The following USH2A variants were observed in gnomAD, a reference collection of about 807,000 sequenced individuals.
USH2A encodes usherin, also known as Usher syndrome 2A (autosomal recessive, mild).
A neutral mutation model predicts 538.9 loss-of-function variants in USH2A; 443 were observed. That is an observed-to-expected ratio of 0.82 (90% CI 0.76 to 0.89). USH2A has a LOEUF of 0.89. USH2A is among the 40% of genes least tolerant of loss of function. USH2A has a pLI of 0.00. For synonymous variants in USH2A, 2,413 were observed against 2,273.5 expected, an observed-to-expected ratio of 1.06 and a Z score of -1.75; for missense variants, 6,633 against 6,324.8, an observed-to-expected ratio of 1.05 and a Z score of -1.65.
In USH2A at chr1:216,422,277, C is replaced by G. The variant is rs767611127; in HGVS notation, c.60G>C (p.Leu20Phe). 1 of 1,613,708 alleles carries G rather than the reference C, an allele frequency of 6.2e-7. No homozygotes were observed. The highest frequency in any genetic ancestry group is 8.5e-7 in the Non-Finnish European group (1 of 1,179,822). Residue 20 changes from leucine (L) to phenylalanine (F), a missense_variant, in exon 2 of 72, where the codon TTG (leucine) becomes TTC (phenylalanine). Leu to Phe is a conservative substitution (Grantham distance 22). Coordinates refer to ENST00000307340, the MANE Select transcript of USH2A (RefSeq NM_206933.4). ...ATATTGAAGCAAAATAGGCAAAGATCAACATTTCAATGACCTGAAACAAGA... is the reference window on the plus strand; with the variant it reads ...ATATTGAAGCAAAATAGGCAAAGATGAACATTTCAATGACCTGAAACAAGA... ...SGFLFQVIEM[L>F]IFAYFASISL...
intron 32 of USH2A, among the ~76,000 whole-genome samples, chr1:216,007,810 G>A (rs1205184498): frequency 6.6e-6 from 1 of 152,244 alleles, no homozygotes; most frequent in African/African-American, 2.4e-5. Flanking sequence ...TACATAATTA[G>A]TAGAGGTGGG....
At chr1:215,799,691 G>C (rs1475723175) in intron 49 of USH2A, among the ~76,000 whole-genome samples, 1 of 152,086 alleles carries the variant, frequency 6.6e-6, no homozygotes, top group Non-Finnish European at 1.5e-5. Context: ...TTTGGGATAA[G>C]AATAAGATAA....
intron 21 of USH2A, among the ~76,000 whole-genome samples, chr1:216,109,925 C>A (rs1159270135): frequency 6.6e-6 from 1 of 152,006 alleles, no homozygotes; most frequent in Admixed American, 6.6e-5. Context: ...GTCTAATCAT[C>A]TTCATATTCA....
chr1:216,181,667 T>G lies in USH2A; in HGVS notation c.4397-6185A>C. Among the ~76,000 whole-genome samples the G allele has an allele frequency of 1.3e-5, 2 of 152,048 alleles. 1 individual carries two copies. Among genetic ancestry groups the G allele is most frequent in the South Asian group, 4.1e-4 (2 of 4,826 alleles). The stretch of plus-strand genomic sequence containing the variant: ...CAGCAATGATGACAGCAACCACCAT[T>G]CCCTAAAGTCCACCACTAATAAAAG... On this transcript the variant is annotated intron_variant, in intron 20 of 71. Coordinates refer to ENST00000307340, the MANE Select transcript of USH2A (RefSeq NM_206933.4).
intron 9 of USH2A, among the ~76,000 whole-genome samples, chr1:216,304,705 GT>G (rs1294327040): frequency 6.6e-6 from 1 of 151,906 alleles, no homozygotes; most frequent in Non-Finnish European, 1.5e-5. Context: ...GTTTTGATAG[GT>G]TGTGTCACTA....
chr1:216,269,897 C>A (rs2036543230), intron 11 of USH2A, among the ~76,000 whole-genome samples: 1 of 152,026 alleles, frequency 6.6e-6, no homozygotes, highest in Non-Finnish European at 1.5e-5. Context: ...TAAGATCCTG[C>A]AATAATTACC....
At chr1:215,964,079 A>T (rs578108644) in intron 37 of USH2A, among the ~76,000 whole-genome samples, 7 of 152,178 alleles carry the variant, frequency 4.6e-5, no homozygotes, top group Non-Finnish European at 8.8e-5. Flanking sequence ...ACAACTGAAG[A>T]TGACATGACT....
intron 44 of USH2A, among the ~76,000 whole-genome samples, chr1:215,862,848 CAT>C (rs1217951436): frequency 6.6e-6 from 1 of 152,168 alleles, no homozygotes; most frequent in Non-Finnish European, 1.5e-5. Flanking sequence ...AGTGCCAAAA[CAT>C]ATTGGAACTG....
intron 38 of USH2A, among the ~76,000 whole-genome samples, chr1:215,925,852 T>C (rs942837): frequency 0.84 from 127,782 of 152,136 alleles, 53,843 homozygotes; most frequent in African/African-American, 0.89. Flanking sequence ...TTGAGGAGCT[T>C]TATATCTGTA....
intron 4 of USH2A, among the ~76,000 whole-genome samples, chr1:216,347,753 C>T (rs187889081): frequency 6.6e-6 from 1 of 152,064 alleles, no homozygotes; most frequent in Non-Finnish European, 1.5e-5. Flanking sequence ...ATATGTCGTT[C>T]TAAAACTTTT....
intron 16 of USH2A, 149 bp from the exon 17 acceptor site, chr1:216,200,270 T>A (rs988503321): frequency 6.9e-6 from 6 of 864,604 alleles, no homozygotes; most frequent in African/African-American, 5.1e-5. Flanking sequence ...TTTTTAAAAT[T>A]GAAATAATGT....
At chr1:216,322,924 A>G (rs1361081983) in intron 8 of USH2A, among the ~76,000 whole-genome samples, 1 of 151,992 alleles carries the variant, frequency 6.6e-6, no homozygotes, top group African/African-American at 2.4e-5. Flanking sequence ...CTTTTTAAAT[A>G]TTGTGAGTCA....
intron 10 of USH2A, 25 bp downstream of exon 10, chr1:216,292,150 A>C (rs2037012699): frequency 6.2e-7 from 1 of 1,613,292 alleles, no homozygotes; most frequent in South Asian, 1.1e-5. Context: ...CTCCAAACCA[A>C]CTCAGGAATT....
chr1:215,810,372 G>A (rs943588639), intron 49 of USH2A, among the ~76,000 whole-genome samples: 6 of 152,080 alleles, frequency 3.9e-5, no homozygotes, highest in East Asian at 3.9e-4. Context: ...TTGTGCTGTC[G>A]GTTCAAAATC....
At chr1:215,989,935 A>C (rs2102473872) in intron 35 of USH2A, among the ~76,000 whole-genome samples, 1 of 152,302 alleles carries the variant, frequency 6.6e-6, no homozygotes, top group East Asian at 1.9e-4. Context: ...CTGATTATTT[A>C]GGAGGTCTGT....
intron 37 of USH2A, among the ~76,000 whole-genome samples, chr1:215,960,068 T>A (rs1667161282): frequency 6.6e-6 from 1 of 152,180 alleles, no homozygotes; most frequent in African/African-American, 2.4e-5. Flanking sequence ...GTAAAGAAGC[T>A]GCCATTTGTA....
chr1:216,384,259 T>TA (rs1003275636), intron 3 of USH2A, among the ~76,000 whole-genome samples: 14 of 151,980 alleles, frequency 9.2e-5, no homozygotes, highest in African/African-American at 3.4e-4. Flanking sequence ...TAGTCATTAA[T>TA]AAAAATGCAG....
chr1:215,636,261 A>G (rs1656480987), intron 69 of USH2A, among the ~76,000 whole-genome samples: 1 of 152,212 alleles, frequency 6.6e-6, no homozygotes, highest in African/African-American at 2.4e-5. Context: ...AAAGGAAAAA[A>G]GTTCAGAACT....
chr1:216,260,000 TC>T (rs532058695), intron 11 of USH2A, among the ~76,000 whole-genome samples: 79 of 152,234 alleles, frequency 5.2e-4, no homozygotes, highest in African/African-American at 1.9e-3. Flanking sequence ...TGATTTGGAT[TC>T]CTAAAGCAAG....
Sources: allele counts gnomAD v4.1 joint callset (sites outside exome capture counted in the v4.1 genomes callset), GRCh38; gene constraint gnomAD v4.1.1; transcripts MANE v1.5; gene names NCBI Gene and HGNC (gene_info 2026-07-23, HGNC 2026-07-21).